Variants in CYYR1 observed in about 807,000 individuals in gnomAD.
The protein encoded by CYYR1 is cysteine and tyrosine-rich protein 1.
In CYYR1, 14 loss-of-function variants were observed where a neutral mutation model predicts 15.2. That is an observed-to-expected ratio of 0.92 (90% CI 0.61 to 1.44). CYYR1 has a LOEUF of 1.44. Ranked by LOEUF, CYYR1 falls within the 40% of genes most tolerant of loss-of-function variation. The pLI is 0.00. For synonymous variants in CYYR1, 80 were observed against 77.4 expected (o/e 1.03, Z -0.18); for missense variants, 228 against 209.5 (o/e 1.09, Z -0.54).
intron 2 of CYYR1, among the ~76,000 whole-genome samples, chr21:26,533,880 C>T (rs1038872708): frequency 1.3e-5 from 2 of 152,152 alleles, no homozygotes; most frequent in Non-Finnish European, 2.9e-5. Context: ...GTCACTTATT[C>T]TTTCATGGCA....
intron 2 of CYYR1, among the ~76,000 whole-genome samples, chr21:26,557,434 C>A (rs911114411): frequency 1.3e-5 from 2 of 152,232 alleles, no homozygotes; most frequent in Admixed American, 1.3e-4. Context: ...TATCACAAAT[C>A]CTACATTTTA....
intron 2 of CYYR1, among the ~76,000 whole-genome samples, chr21:26,492,778 T>A (rs940065343): frequency 2.0e-5 from 3 of 152,066 alleles, no homozygotes; most frequent in Non-Finnish European, 4.4e-5. Context: ...CAATTTTAAA[T>A]ATCTCTAGCC....
intron 2 of CYYR1, among the ~76,000 whole-genome samples, chr21:26,537,111 G>A (rs779907286): frequency 2.0e-5 from 3 of 152,160 alleles, no homozygotes; most frequent in Non-Finnish European, 4.4e-5. Context: ...TGTGATTGAT[G>A]AGCCTACGTT....
chr21:26,565,544 T>C (rs943831034), intron 2 of CYYR1, among the ~76,000 whole-genome samples: 10 of 152,188 alleles, frequency 6.6e-5, no homozygotes, highest in African/African-American at 1.7e-4. Flanking sequence ...TCTTGAGGAA[T>C]TGACAAGTGC....
chr21:26,543,590 A>G (rs1978727169), intron 2 of CYYR1, among the ~76,000 whole-genome samples: 1 of 152,136 alleles, frequency 6.6e-6, no homozygotes, highest in Admixed American at 6.5e-5. Context: ...CTGCTCATGC[A>G]CCATTGGCTG....
In CYYR1 at chr21:26,500,116, A is replaced by C. The variant is rs544064116; in HGVS notation, c.177-19687T>G. On this transcript the variant is annotated intron_variant, in intron 2 of 3. Transcript: ENST00000652641. Reference sequence around the variant, plus strand: ...CTTGCTGTGTCTTCACATTGCAGAGAGAAGAACCTTTGGTGGTTCTTCCTC... The same window carrying C: ...CTTGCTGTGTCTTCACATTGCAGAGCGAAGAACCTTTGGTGGTTCTTCCTC... Among the ~76,000 whole-genome samples, 6 of 152,252 alleles carry C rather than the reference A, an allele frequency of 3.9e-5. No homozygotes were observed. The South Asian group carries it at 1.2e-3, about 32-fold the overall frequency.
chr21:26,499,351 G>T (rs747824489), intron 2 of CYYR1, among the ~76,000 whole-genome samples: 20 of 152,182 alleles, frequency 1.3e-4, no homozygotes, highest in Non-Finnish European at 2.2e-4. Context: ...CATGAGCTGA[G>T]GAATGTTGAC....
rs556815468 is a variant in CYYR1, at chr21:26,520,444, G to A, written c.177-40015C>T. Among the ~76,000 whole-genome samples the A allele has an allele frequency of 7.2e-5, 11 of 152,180 alleles. No homozygotes were observed. The East Asian group carries it at 1.9e-3, about 27-fold the overall frequency. Reference sequence around the variant, plus strand: ...TTATGGCTGCATAGTATTCCATGGTGTATATGTACCACATTTTCTTTATCC... The same window carrying A: ...TTATGGCTGCATAGTATTCCATGGTATATATGTACCACATTTTCTTTATCC... On this transcript the variant is annotated intron_variant, in intron 2 of 3. Coordinates refer to ENST00000652641, the MANE Select transcript of CYYR1 (RefSeq NM_001320768.2).
At chr21:26,512,986 C>T (rs1429409383) in intron 2 of CYYR1, among the ~76,000 whole-genome samples, 1 of 152,196 alleles carries the variant, frequency 6.6e-6, no homozygotes, top group Non-Finnish European at 1.5e-5. Context: ...AGACCAGATT[C>T]TCTCCAGCTC....
At chr21:26,491,730 T>C (rs964341443) in intron 2 of CYYR1, among the ~76,000 whole-genome samples, 5 of 152,148 alleles carry the variant, frequency 3.3e-5, no homozygotes, top group Non-Finnish European at 7.4e-5. Flanking sequence ...CTCCAGACAA[T>C]GAGTCCACGT....
At chr21:26,564,003 C>G (rs561565174) in intron 2 of CYYR1, among the ~76,000 whole-genome samples, 1 of 152,238 alleles carries the variant, frequency 6.6e-6, no homozygotes, top group African/African-American at 2.4e-5. Context: ...CAAGGGTTTA[C>G]CTTTCTGTTA....
intron 2 of CYYR1, chr21:26,503,444 A>C (rs1198588949): frequency 6.6e-6 from 1 of 152,236 alleles, no homozygotes; most frequent in Non-Finnish European, 1.5e-5. Flanking sequence ...TAAAAATCCC[A>C]TATTTAATAA....
At chr21:26,542,440 G>A (rs959484699) in intron 2 of CYYR1, among the ~76,000 whole-genome samples, 5 of 152,024 alleles carry the variant, frequency 3.3e-5, no homozygotes, top group African/African-American at 1.2e-4. Context: ...TGCAAAAAGC[G>A]TTTGATGAAA....
At chr21:26,508,600 T>G (rs1204831439) in intron 2 of CYYR1, among the ~76,000 whole-genome samples, 1 of 152,182 alleles carries the variant, frequency 6.6e-6, no homozygotes, top group Non-Finnish European at 1.5e-5. Context: ...TTTTACTTTT[T>G]GGAGATGCTG....
At chr21:26,537,813 G>T (rs950920954) in intron 2 of CYYR1, among the ~76,000 whole-genome samples, 2 of 152,014 alleles carry the variant, frequency 1.3e-5, no homozygotes, top group Non-Finnish European at 2.9e-5. Flanking sequence ...GGGTCTGTTG[G>T]GAGATGATTA....
At position 26,480,301 on chromosome 21, in the gene CYYR1, G is replaced by A; in HGVS notation, c.305C>T (p.Thr102Ile). 1 of 1,612,960 alleles carries A rather than the reference G, an allele frequency of 6.2e-7. No homozygotes were observed. The highest frequency in any genetic ancestry group is 8.5e-7 in the Non-Finnish European group (1 of 1,179,442). ...RATRVGILRT[T>I]HINTVSSYPA... ...ATAGGAGGAGACGGTGTTGATGTGA[G>A]TCGTCCTGAGGATGCCCACGCGGGT... The change falls in exon 3 of 4, where the codon ACT (threonine) becomes ATT (isoleucine). Residue 102 changes from threonine to isoleucine, a missense_variant. Physicochemically the swap from Thr to Ile is moderately conservative, Grantham distance 89 (BLOSUM62 -1). Transcript: ENST00000652641.
intron 2 of CYYR1, among the ~76,000 whole-genome samples, chr21:26,496,592 T>C (rs192300021): frequency 6.6e-6 from 1 of 152,300 alleles, no homozygotes; most frequent in East Asian, 1.9e-4. Context: ...CTTAACAAGA[T>C]GTTACAGAAA....
intron 2 of CYYR1, among the ~76,000 whole-genome samples, chr21:26,543,574 T>A (rs1978725624): frequency 6.6e-6 from 1 of 152,114 alleles, no homozygotes; most frequent in Admixed American, 6.5e-5. Flanking sequence ...TTGCACACAA[T>A]CATCTCTGCT....
chr21:26,548,544 G>T (rs1601819085), intron 2 of CYYR1, among the ~76,000 whole-genome samples: 2 of 152,232 alleles, frequency 1.3e-5, no homozygotes, highest in East Asian at 3.9e-4. Context: ...ATGAAGTCTT[G>T]CTATGTTGTC....
Sources: gnomAD v4.1 joint callset for allele counts (sites outside exome capture counted in the v4.1 genomes callset) on GRCh38, gnomAD v4.1.1 for gene constraint, MANE v1.5 for transcripts, NCBI Gene and HGNC (gene_info 2026-07-23, HGNC 2026-07-21) for gene names.